The following KLHDC10 variants were observed in gnomAD, a reference collection of about 807,000 sequenced individuals.
KLHDC10 encodes kelch domain-containing protein 10.
KLHDC10 carries 24 observed loss-of-function variants against 56.1 expected under a neutral mutation model. That is an observed-to-expected ratio of 0.43 (90% CI 0.31 to 0.60). The LOEUF is 0.60. Among genes scored for constraint, KLHDC10 ranks in the 20% least tolerant of loss-of-function variants. KLHDC10 has a pLI of 0.11. For missense variants in KLHDC10, 349 were observed against 567.0 expected, an observed-to-expected ratio of 0.62 and a Z score of 3.91; for synonymous variants, 188 against 207.1, an observed-to-expected ratio of 0.91 and a Z score of 0.79.
At position 130,116,332 on chromosome 7, in the gene KLHDC10, A is replaced by G. The variant is rs973885950; in HGVS notation, c.254-113A>G. 4.0e-5 allele frequency: 28 copies of G among 694,554 alleles called. No individual in the cohort carries two copies. The highest frequency in any genetic ancestry group is 1.2e-4 in the African/African-American group (7 of 56,054). 43.0% of individuals were successfully genotyped at this position (694,554 alleles called of 1,614,324 possible). A position where few individuals can be genotyped will look rare whatever the true frequency, so the allele number is the denominator to read the frequency against. On this transcript the variant is annotated intron_variant, in intron 2 of 9. Coordinates refer to ENST00000335420, the MANE Select transcript of KLHDC10 (RefSeq NM_014997.4). The surrounding 1 kb of genome is among the most constrained non-coding windows in gnomAD (Gnocchi z 4.8). ...ATCTAAACAAATAAGAAGTATATCCATGTTATAAATCCTTCCTGGTCCCCT... is the reference window on the plus strand; with the variant it reads ...ATCTAAACAAATAAGAAGTATATCCGTGTTATAAATCCTTCCTGGTCCCCT...
Position 130,130,500 on chromosome 7 carries a change from C to T in KLHDC10, c.1120-37C>T, listed in dbSNP as rs764855815. The stretch of plus-strand genomic sequence containing the variant: ...TGAGTCTTCAGCCTTGTATGTTTCT[C>T]TCCCGTTTGAATTTGTCCTCTTTTG... On this transcript the variant is annotated intron_variant, in intron 9 of 9. Coordinates refer to ENST00000335420, the MANE Select transcript of KLHDC10 (RefSeq NM_014997.4). The surrounding 1 kb of genome is among the most constrained non-coding windows in gnomAD (Gnocchi z 4.2). 6 of 1,542,550 alleles carry T rather than the reference C, an allele frequency of 3.9e-6. No homozygotes were observed. Among genetic ancestry groups the T allele is most frequent in the Non-Finnish European group, 5.4e-6 (6 of 1,115,004 alleles).
intron 1 of KLHDC10, among the ~76,000 whole-genome samples, chr7:130,078,809 C>T (rs1186665082): frequency 6.6e-6 from 1 of 152,194 alleles, no homozygotes; most frequent in Non-Finnish European, 1.5e-5. Context: ...TGAGCCACCG[C>T]GCCTGGCCCC....
intron 1 of KLHDC10, among the ~76,000 whole-genome samples, chr7:130,083,047 A>G (rs1195948810): frequency 1.3e-5 from 2 of 152,146 alleles, no homozygotes; most frequent in East Asian, 3.8e-4. Context: ...ACCTACATCT[A>G]TGTCTAACCC....
chr7:130,112,176 G>C (rs1796109966), intron 2 of KLHDC10, among the ~76,000 whole-genome samples: 1 of 152,146 alleles, frequency 6.6e-6, no homozygotes, highest in Non-Finnish European at 1.5e-5. Context: ...ATTTGTAGTA[G>C]TGAAAACATT....
intron 1 of KLHDC10, among the ~76,000 whole-genome samples, chr7:130,092,701 A>C (rs1036423445): frequency 2.6e-5 from 4 of 152,086 alleles, no homozygotes; most frequent in African/African-American, 9.7e-5. Flanking sequence ...AAATACCTCT[A>C]TTCTATAATG....
intron 6 of KLHDC10, 64 bp downstream of exon 6, chr7:130,124,599 A>C: frequency 1.2e-6 from 1 of 815,390 alleles, no homozygotes; most frequent in Non-Finnish European, 2.1e-6. Context: ...TGCGTCAACC[A>C]AGCAAGATAA....
chr7:130,098,492 C>CAA (rs1231813046), intron 2 of KLHDC10, among the ~76,000 whole-genome samples: 1 of 150,106 alleles, frequency 6.7e-6, no homozygotes, highest in Non-Finnish European at 1.5e-5. Context: ...GACTTTTCTC[C>CAA]AAAAAAAAGA....
intron 2 of KLHDC10, among the ~76,000 whole-genome samples, chr7:130,099,505 G>T (rs1333855818): frequency 6.6e-6 from 1 of 152,218 alleles, no homozygotes; most frequent in African/African-American, 2.4e-5. Flanking sequence ...GGGTGACAGA[G>T]GAGTGGCCAT....
intron 2 of KLHDC10, among the ~76,000 whole-genome samples, chr7:130,107,069 C>T (rs1796017187): frequency 6.6e-6 from 1 of 152,124 alleles, no homozygotes; most frequent in African/African-American, 2.4e-5. Context: ...TGACAGAATA[C>T]TATAAGAAAC....
At chr7:130,128,875 TAA>T (rs1164826285) in intron 8 of KLHDC10, among the ~76,000 whole-genome samples, 470 of 42,304 alleles carry the variant, frequency 0.011, 15 homozygotes, top group Non-Finnish European at 0.014. Context: ...CCTTGTCTCT[TAA>T]AAAAAAAAAA....
chr7:130,114,064 T>A (rs1796135758), intron 2 of KLHDC10, among the ~76,000 whole-genome samples: 1 of 152,218 alleles, frequency 6.6e-6, no homozygotes, highest in Non-Finnish European at 1.5e-5. Flanking sequence ...AGTTAGACAC[T>A]GTTTTAATCT....
At chr7:130,079,355 G>A (rs1300909548) in intron 1 of KLHDC10, among the ~76,000 whole-genome samples, 1 of 152,028 alleles carries the variant, frequency 6.6e-6, no homozygotes, top group Non-Finnish European at 1.5e-5. Context: ...ACCATGCCAG[G>A]CCTAAAGTAT....
At chr7:130,114,135 TTAGGTAC>T (rs1214409479) in intron 2 of KLHDC10, among the ~76,000 whole-genome samples, 2 of 152,192 alleles carry the variant, frequency 1.3e-5, no homozygotes, top group Non-Finnish European at 1.5e-5. Flanking sequence ...GTACCTGTTT[TTAGGTAC>T]TAACTGTTTT....
chr7:130,119,828 A>G (rs1028292873), intron 3 of KLHDC10, among the ~76,000 whole-genome samples: 1 of 144,968 alleles, frequency 6.9e-6, no homozygotes, highest in Non-Finnish European at 1.5e-5. Flanking sequence ...CGGGAGACAG[A>G]GCAAGACTCC....
chr7:130,074,532 C>T (rs1343191659), intron 1 of KLHDC10, among the ~76,000 whole-genome samples: 1 of 151,864 alleles, frequency 6.6e-6, no homozygotes, highest in African/African-American at 2.4e-5. Flanking sequence ...ATATATAACA[C>T]GTTAGTGTCT....
chr7:130,103,988 G>A (rs1008221775), intron 2 of KLHDC10, among the ~76,000 whole-genome samples: 18 of 151,830 alleles, frequency 1.2e-4, no homozygotes, highest in African/African-American at 3.9e-4. Flanking sequence ...CTCAGGAGGC[G>A]GAGGCAGGAG....
At chr7:130,108,787 C>T (rs1416986654) in intron 2 of KLHDC10, among the ~76,000 whole-genome samples, 1 of 151,966 alleles carries the variant, frequency 6.6e-6, no homozygotes, top group Non-Finnish European at 1.5e-5. Flanking sequence ...ACCCAGATTC[C>T]CCAAATGTTA....
intron 1 of KLHDC10, among the ~76,000 whole-genome samples, chr7:130,082,129 A>C (rs1055776547): frequency 2.0e-5 from 3 of 152,214 alleles, no homozygotes; most frequent in African/African-American, 7.2e-5. Context: ...CATGGGTAAC[A>C]TAGTGAGACC....
chr7:130,083,413 T>C (rs1190793491), intron 1 of KLHDC10, among the ~76,000 whole-genome samples: 1 of 152,220 alleles, frequency 6.6e-6, no homozygotes. Flanking sequence ...ATATTTCAGC[T>C]ATACAGAAGT....
Sources: allele counts gnomAD v4.1 joint callset (sites outside exome capture counted in the v4.1 genomes callset), GRCh38; gene constraint gnomAD v4.1.1; non-coding constraint Gnocchi (gnomAD v3.1); transcripts MANE v1.5; gene names NCBI Gene and HGNC (gene_info 2026-07-23, HGNC 2026-07-21).